MARCHF11: variants seen among roughly 807,000 people sequenced by gnomAD.
The protein encoded by MARCHF11 is E3 ubiquitin-protein ligase MARCHF11.
MARCHF11 carries 29 observed loss-of-function variants against 37.3 expected under a neutral mutation model. The ratio of observed to expected loss-of-function variants is 0.78; its 90% CI spans 0.58 to 1.06. MARCHF11 has a LOEUF of 1.06. Among genes scored for constraint, MARCHF11 ranks in the 50% least tolerant of loss-of-function variants. The pLI, the probability that MARCHF11 is intolerant of heterozygous loss-of-function variation, is 0.00. For missense variants in MARCHF11, 482 were observed against 533.4 expected, an observed-to-expected ratio of 0.90 and a Z score of 0.95; for synonymous variants, 233 against 228.0, an observed-to-expected ratio of 1.02 and a Z score of -0.20.
chr5:16,168,752 G>C (rs1275873290), intron 2 of MARCHF11, among the ~76,000 whole-genome samples: 3 of 151,960 alleles, frequency 2.0e-5, no homozygotes, highest in African/African-American at 7.3e-5. Context: ...GATAGAAAAA[G>C]GAAGAAAGAG....
intron 2 of MARCHF11, among the ~76,000 whole-genome samples, chr5:16,174,754 T>C (rs163726): frequency 0.86 from 130,983 of 152,246 alleles, 56,525 homozygotes; most frequent in East Asian, 0.96. Flanking sequence ...ACCCGGACTT[T>C]ATGAGGACCA....
chr5:16,127,416 A>G (rs1737429471), intron 2 of MARCHF11, among the ~76,000 whole-genome samples: 1 of 152,160 alleles, frequency 6.6e-6, no homozygotes, highest in Non-Finnish European at 1.5e-5. Flanking sequence ...TACAAGAGGG[A>G]GGAAGACCTT....
At chr5:16,122,175 A>G (rs1211060629) in intron 2 of MARCHF11, among the ~76,000 whole-genome samples, 1 of 152,176 alleles carries the variant, frequency 6.6e-6, no homozygotes, top group East Asian at 1.9e-4. Flanking sequence ...CCAATGCCTT[A>G]TTCAGAAATT....
At chr5:16,157,941 G>A (rs1738004460) in intron 2 of MARCHF11, among the ~76,000 whole-genome samples, 1 of 151,826 alleles carries the variant, frequency 6.6e-6, no homozygotes, top group Admixed American at 6.6e-5. Flanking sequence ...TATCTGATAA[G>A]GAGTTAATAT....
At chr5:16,093,616 G>A (rs1275953873) in intron 2 of MARCHF11, among the ~76,000 whole-genome samples, 1 of 152,090 alleles carries the variant, frequency 6.6e-6, no homozygotes, top group Admixed American at 6.6e-5. Flanking sequence ...AGGTGAGGAG[G>A]GTGAATGAAT....
intron 2 of MARCHF11, among the ~76,000 whole-genome samples, chr5:16,149,343 T>A (rs1737852585): frequency 6.6e-6 from 1 of 152,150 alleles, no homozygotes; most frequent in South Asian, 2.1e-4. Flanking sequence ...ACATTATGGA[T>A]GTTTCCTGGC....
At chr5:16,169,753 A>G (rs755602136) in intron 2 of MARCHF11, among the ~76,000 whole-genome samples, 1 of 151,818 alleles carries the variant, frequency 6.6e-6, no homozygotes, top group Non-Finnish European at 1.5e-5. Context: ...TTCTTGGCCA[A>G]CTCCTCTGTG....
In MARCHF11 at chr5:16,067,504, C is replaced by T. The variant is rs755362405; in HGVS notation, c.1176G>A (p.Ser392=). The change falls in exon 4 of 4, where the codon TCG becomes TCA. Residue 392 remains serine (S), a synonymous_variant. Coordinates refer to ENST00000332432, the MANE Select transcript of MARCHF11 (RefSeq NM_001102562.3). The stretch of plus-strand genomic sequence containing the variant: ...AAGTCACTCTCATCACAACCTCCCC[C>T]GAGCTGTTATCTTCTGATAAGTCTT... ...PHEDLSEDNS[S]GEVVMRVTSV The T allele has an allele frequency of 6.2e-6, 10 of 1,613,718 alleles. No homozygotes were observed. Among genetic ancestry groups the T allele is most frequent in the Admixed American group, 3.3e-5 (2 of 59,994 alleles).
At chr5:16,158,056 T>C (rs1738006501) in intron 2 of MARCHF11, among the ~76,000 whole-genome samples, 1 of 151,848 alleles carries the variant, frequency 6.6e-6, no homozygotes, top group Non-Finnish European at 1.5e-5. Context: ...GGAAGACATA[T>C]GAAACAGGCA....
chr5:16,130,251 TACACACACACACAC>T (rs56978661), intron 2 of MARCHF11, among the ~76,000 whole-genome samples: 12 of 144,296 alleles, frequency 8.3e-5, no homozygotes, highest in Middle Eastern at 3.2e-3. Context: ...TCCAGGTACA[TACACACACACACAC>T]ACACACACAC....
Position 16,067,291 on chromosome 5 carries a change from G to A in MARCHF11, c.*180C>T. 1.8e-6 allele frequency: 1 copy of A among 541,718 alleles called. No individual in the cohort carries two copies. The allele number at this position is 541,718 out of a possible 1,614,324, so 33.6% of individuals were successfully genotyped here. On this transcript the variant is annotated 3_prime_UTR_variant, in exon 4 of 4. Transcript: ENST00000332432. ...TAAAAGATGTGACAAACCAGACAAC[G>A]AAGAACAAGAGGACTCTTTTTCTCA...
At chr5:16,094,852 A>T (rs1005158628) in intron 2 of MARCHF11, among the ~76,000 whole-genome samples, 13 of 152,144 alleles carry the variant, frequency 8.5e-5, no homozygotes, top group African/African-American at 2.9e-4. Context: ...TACAGGACTG[A>T]TACAGGCCAG....
rs1367005438 is a variant in MARCHF11 at position 16,099,175 on chromosome 5, A to C, written c.694-8094T>G. Among the ~76,000 whole-genome samples, 5 of 152,336 alleles carry C rather than the reference A, an allele frequency of 3.3e-5. No homozygotes were observed. In the East Asian group the frequency reaches 9.6e-4, roughly 29 times the overall value. On this transcript the variant is annotated intron_variant, in intron 2 of 3. Transcript: ENST00000332432. ...ATGGGTTTACTAATGGAAATTTTTC[A>C]AGGAAGATGATCAAATTTCCAAGAA...
chr5:16,137,308 G>A (rs540553221), intron 2 of MARCHF11, among the ~76,000 whole-genome samples: 1 of 152,288 alleles, frequency 6.6e-6, no homozygotes, highest in Admixed American at 6.5e-5. Flanking sequence ...CTGTTCCCAT[G>A]GTAGTGAATA....
intron 2 of MARCHF11, among the ~76,000 whole-genome samples, chr5:16,140,142 T>C (rs1308499153): frequency 6.6e-6 from 1 of 152,182 alleles, no homozygotes; most frequent in East Asian, 1.9e-4. Flanking sequence ...TATTGGAATC[T>C]CTGTATACAG....
At chr5:16,070,981 G>A (rs1050360065) in intron 3 of MARCHF11, among the ~76,000 whole-genome samples, 8 of 151,640 alleles carry the variant, frequency 5.3e-5, no homozygotes, top group South Asian at 2.1e-4. Context: ...GTGGCGTTAC[G>A]GCGAACACCT....
rs145418215 is a variant in MARCHF11 at position 16,158,952 on chromosome 5, G to C, written c.693+18774C>G. ...GTATTGCATTCTTGAAAATTGCTGA[G>C]AGTAGATTTTAAGTTGTTCTCACCC... On this transcript the variant is annotated intron_variant, in intron 2 of 3. Coordinates refer to ENST00000332432, the MANE Select transcript of MARCHF11 (RefSeq NM_001102562.3). 4.5e-3 allele frequency among the ~76,000 whole-genome samples: 690 copies of C among 151,946 alleles called. 8 individuals carry two copies. Among genetic ancestry groups the C allele is most frequent in the African/African-American group, 0.016 (653 of 41,466 alleles).
rs74646368 is a variant in MARCHF11 at position 16,068,243 on chromosome 5, T to C, written c.887-450A>G. On this transcript the variant is annotated intron_variant, in intron 3 of 3. Coordinates refer to ENST00000332432, the MANE Select transcript of MARCHF11 (RefSeq NM_001102562.3). ...CATTACAGATACTAAGGTTACTGTT[T>C]CCCCAGTTCCTAAAACAATGCCTGA... is the stretch of plus-strand genomic sequence containing the variant. Among the ~76,000 whole-genome samples, 7 of 152,344 alleles carry C rather than the reference T, an allele frequency of 4.6e-5. No individual in the cohort carries two copies. The East Asian group carries it at 1.3e-3, about 29-fold the overall frequency.
intron 2 of MARCHF11, among the ~76,000 whole-genome samples, chr5:16,135,232 C>T (rs1234886105): frequency 6.6e-6 from 1 of 152,058 alleles, no homozygotes; most frequent in East Asian, 1.9e-4. Context: ...GGATGAGATT[C>T]AAAAGGGGCC....
Sources: gnomAD v4.1 joint callset for allele counts (sites outside exome capture counted in the v4.1 genomes callset) on GRCh38, gnomAD v4.1.1 for gene constraint, MANE v1.5 for transcripts, NCBI Gene and HGNC (gene_info 2026-07-23, HGNC 2026-07-21) for gene names.